Variants in CDH20 observed in about 807,000 individuals in gnomAD.
CDH20 encodes the protein cadherin 20, also known as cadherin-20.
Under a neutral mutation model 74.2 loss-of-function variants are expected in CDH20, and 29 were observed. The observed-to-expected ratio is 0.39, with a 90% CI of 0.29 to 0.53. CDH20 has a LOEUF of 0.53. Ranked by LOEUF, CDH20 falls within the 20% of genes least tolerant of loss-of-function variation. CDH20 has a pLI of 0.69. For missense variants in CDH20, 988 were observed against 1,048.3 expected, an observed-to-expected ratio of 0.94 and a Z score of 0.79; for synonymous variants, 469 against 405.4, an observed-to-expected ratio of 1.16 and a Z score of -1.88.
At position 61,555,089 on chromosome 18, in the gene CDH20, C is replaced by A. The variant is rs1325136594; in HGVS notation, c.*394C>A. On this transcript the variant is annotated 3_prime_UTR_variant, in exon 12 of 12. Coordinates refer to ENST00000262717, the MANE Select transcript of CDH20 (RefSeq NM_031891.4). ...AATTGAAAGCAGAAAGTTCTACTCT[C>A]GTATCTGTTTTTTATCTTATCTTAT... is the stretch of plus-strand genomic sequence containing the variant. 5.8e-6 allele frequency: 6 copies of A among 1,034,810 alleles called. No individual in the cohort carries two copies. Among genetic ancestry groups the A allele is most frequent in the African/African-American group, 1.7e-5 (1 of 59,152 alleles). 64.1% of individuals were successfully genotyped at this position (1,034,810 alleles called of 1,614,324 possible).
At chr18:61,376,698 G>C (rs1457599161) in intron 1 of CDH20, among the ~76,000 whole-genome samples, 2 of 152,160 alleles carry the variant, frequency 1.3e-5, no homozygotes, top group Admixed American at 1.3e-4. Flanking sequence ...TCTGAAGACA[G>C]TTTCTTTATG....
At chr18:61,552,882 C>A (rs1397274206) in intron 11 of CDH20, among the ~76,000 whole-genome samples, 1 of 152,184 alleles carries the variant, frequency 6.6e-6, no homozygotes, top group Non-Finnish European at 1.5e-5. Context: ...ACACTCCAAC[C>A]TTTCAGGCTC....
rs1913580757 is a variant in CDH20, at chr18:61,554,953, AAGGCTTGG to A, written c.*261_*268del. On this transcript the variant is annotated 3_prime_UTR_variant, in exon 12 of 12. Transcript: ENST00000262717. The stretch of plus-strand genomic sequence containing the variant: ...TTTGATTTTTCTGACACTGTGTGCG[AAGGCTTGG>A]AGTCCAAGGTGTTCTGACAAGGGTG... The A allele has an allele frequency of 7.5e-7, 1 of 1,338,114 alleles. No homozygotes were observed. The allele number at this position is 1,338,114 out of a possible 1,614,324, so 82.9% of individuals were successfully genotyped here.
At chr18:61,391,681 T>A (rs1752518478) in intron 1 of CDH20, 1 of 151,842 alleles carries the variant, frequency 6.6e-6, no homozygotes, top group African/African-American at 2.4e-5. Flanking sequence ...GACACGCAAA[T>A]TCGTGAAGCA....
At chr18:61,357,828 C>T (rs1190449495) in intron 1 of CDH20, among the ~76,000 whole-genome samples, 3 of 151,988 alleles carry the variant, frequency 2.0e-5, no homozygotes, top group Non-Finnish European at 2.9e-5. Context: ...GCACAGCTGC[C>T]GCCCAATCTT....
intron 1 of CDH20, among the ~76,000 whole-genome samples, chr18:61,431,701 G>A (rs1913261559): frequency 6.6e-6 from 1 of 152,146 alleles, no homozygotes; most frequent in South Asian, 2.1e-4. Flanking sequence ...ATCTTGAAAA[G>A]TGAAAAGAAA....
intron 1 of CDH20, among the ~76,000 whole-genome samples, chr18:61,431,469 TAG>T (rs1419472032): frequency 6.6e-6 from 1 of 152,228 alleles, no homozygotes; most frequent in African/African-American, 2.4e-5. Flanking sequence ...AAGTATGGAC[TAG>T]TTAATAATAA....
At position 61,526,735 on chromosome 18, in the gene CDH20, A is replaced by G. The variant is rs370765885; in HGVS notation, c.1018-1232A>G. On this transcript the variant is annotated intron_variant, in intron 6 of 11. Transcript: ENST00000262717. ...AAGATAGGAATAAATCAAAATAGAG[A>G]ACAACCAAAAAAATTGTATTTTACG... 4.4e-3 allele frequency among the ~76,000 whole-genome samples: 674 copies of G among 152,346 alleles called. 9 individuals are homozygous for G. Among genetic ancestry groups the G allele is most frequent in the South Asian group, 0.027 (128 of 4,828 alleles).
intron 5 of CDH20, among the ~76,000 whole-genome samples, chr18:61,505,057 C>T (rs1463631604): frequency 6.6e-6 from 1 of 152,160 alleles, no homozygotes; most frequent in Non-Finnish European, 1.5e-5. Flanking sequence ...TTCATTACTT[C>T]ATGAAGGGCT....
intron 1 of CDH20, among the ~76,000 whole-genome samples, chr18:61,352,376 A>G (rs915407336): frequency 3.3e-5 from 5 of 152,234 alleles, no homozygotes; most frequent in African/African-American, 1.2e-4. Flanking sequence ...ATATGGCAAG[A>G]GTGCTGTGAT....
At chr18:61,402,309 C>A (rs879373717) in intron 1 of CDH20, among the ~76,000 whole-genome samples, 1 of 152,158 alleles carries the variant, frequency 6.6e-6, no homozygotes, top group Non-Finnish European at 1.5e-5. Flanking sequence ...CCTGCTGTAA[C>A]TTGGGCCTCA....
At chr18:61,460,094 CA>C (rs111333630) in intron 1 of CDH20, among the ~76,000 whole-genome samples, 22 of 150,782 alleles carry the variant, frequency 1.5e-4, no homozygotes, top group East Asian at 5.8e-4. Context: ...TAAAAACAAA[CA>C]AAAAAAAATG....
chr18:61,547,101 G>C (rs975820874), intron 10 of CDH20, among the ~76,000 whole-genome samples: 1 of 152,224 alleles, frequency 6.6e-6, no homozygotes, highest in Admixed American at 6.5e-5. Flanking sequence ...GCCTGGGACA[G>C]GAGGGTCACC....
intron 6 of CDH20, among the ~76,000 whole-genome samples, chr18:61,527,212 C>T (rs942791744): frequency 1.3e-5 from 2 of 152,076 alleles, no homozygotes; most frequent in Admixed American, 6.6e-5. Context: ...AGGGATTGTG[C>T]ATGATGAACT....
chr18:61,405,164 G>T, intron 1 of CDH20: 1 of 544,262 alleles, frequency 1.8e-6, no homozygotes, highest in South Asian at 1.7e-5. Flanking sequence ...GCCTAGAATT[G>T]ATCAACTCCA....
At chr18:61,535,799 G>C (rs950409772) in intron 7 of CDH20, among the ~76,000 whole-genome samples, 1 of 152,200 alleles carries the variant, frequency 6.6e-6, no homozygotes, top group African/African-American at 2.4e-5. Context: ...ACATTTGCTT[G>C]TTATACATCA....
chr18:61,390,449 C>T (rs755350132), intron 1 of CDH20, among the ~76,000 whole-genome samples: 7 of 152,056 alleles, frequency 4.6e-5, no homozygotes, highest in South Asian at 2.1e-4. Context: ...ACCAAACTTG[C>T]GACAGGATAT....
intron 1 of CDH20, among the ~76,000 whole-genome samples, chr18:61,472,519 G>A (rs546159102): frequency 5.5e-4 from 84 of 152,222 alleles, no homozygotes; most frequent in Middle Eastern, 3.4e-3. Flanking sequence ...GGGCAAGCTC[G>A]GGAAAATGCA....
At chr18:61,494,007 A>G (rs1453888234) in intron 2 of CDH20, among the ~76,000 whole-genome samples, 1 of 152,196 alleles carries the variant, frequency 6.6e-6, no homozygotes, top group East Asian at 1.9e-4. Context: ...TTGGACTACC[A>G]CAGTACTATG....
Sources: gnomAD v4.1 joint callset for allele counts (sites outside exome capture counted in the v4.1 genomes callset) on GRCh38, gnomAD v4.1.1 for gene constraint, MANE v1.5 for transcripts, NCBI Gene and HGNC (gene_info 2026-07-23, HGNC 2026-07-21) for gene names.